ANK2: variants seen among roughly 807,000 people sequenced by gnomAD.
ANK2 encodes the protein ankyrin-2.
ANK2 carries 83 observed loss-of-function variants against 360.5 expected under a neutral mutation model. The observed-to-expected ratio is 0.23, with a 90% CI of 0.19 to 0.28. ANK2 has a LOEUF of 0.28. Among genes scored for constraint, ANK2 ranks in the 10% least tolerant of loss-of-function variants. ANK2 has a pLI of 1.00. For synonymous variants in ANK2, 1,740 were observed against 1,759.5 expected, an observed-to-expected ratio of 0.99 and a Z score of 0.28; for missense variants, 4,201 against 4,795.7, an observed-to-expected ratio of 0.88 and a Z score of 3.66.
At chr4:112,801,790 G>A in the ANK2 span, among the ~76,000 whole-genome samples, 2 of 152,146 alleles carry the variant, frequency 1.3e-5, no homozygotes, top group Non-Finnish European at 2.9e-5. Context: ...CTCTCAACTA[G>A]GATGTTATAA....
At chr4:112,964,035 A>G (rs556388361) in intron 2 of ANK2, among the ~76,000 whole-genome samples, 3 of 150,658 alleles carry the variant, frequency 2.0e-5, no homozygotes, top group Non-Finnish European at 3.0e-5. Flanking sequence ...TGACTTTTTC[A>G]ATTTTTACCA....
rs200146864 is a variant in ANK2, at chr4:113,328,343, A to C, written c.2901-1903A>C. Among the ~76,000 whole-genome samples, 3 of 152,292 alleles carry C rather than the reference A, an allele frequency of 2.0e-5. No individual in the cohort carries two copies. The East Asian group carries it at 5.8e-4, about 29-fold the overall frequency. Reference sequence around the variant, plus strand: ...TGAATTTGGAAGTAGCACTAGTTGAAACTTGTCACTTTTTGCTACTTTTTC... The same window carrying C: ...TGAATTTGGAAGTAGCACTAGTTGACACTTGTCACTTTTTGCTACTTTTTC... On this transcript the variant is annotated intron_variant, in intron 26 of 45. Transcript: ENST00000357077.
intron 2 of ANK2, among the ~76,000 whole-genome samples, chr4:112,990,076 GC>G (rs561960485): frequency 3.4e-4 from 52 of 152,148 alleles, no homozygotes; most frequent in African/African-American, 1.3e-3. Context: ...TTCAAGACCA[GC>G]CTGAGAAAGT....
intron 9 of ANK2, among the ~76,000 whole-genome samples, chr4:113,247,194 A>AG (rs1263824797): frequency 1.3e-5 from 2 of 151,902 alleles, no homozygotes; most frequent in African/African-American, 4.8e-5. Context: ...AGAAAACACA[A>AG]GGGGTCTCTG....
chr4:112,743,415 CTTATA>C, the ANK2 span, among the ~76,000 whole-genome samples: 109 of 151,984 alleles, frequency 7.2e-4, 1 homozygote, highest in African/African-American at 2.6e-3. Flanking sequence ...AGATAACTTC[CTTATA>C]TTATATTGCT....
chr4:112,907,100 G>C (rs966709491), intron 2 of ANK2, among the ~76,000 whole-genome samples: 1 of 152,186 alleles, frequency 6.6e-6, no homozygotes, highest in Non-Finnish European at 1.5e-5. Flanking sequence ...CATGACTGAA[G>C]AGAGCCTGCT....
chr4:112,990,503 G>C (rs1298386124), intron 2 of ANK2, among the ~76,000 whole-genome samples: 1 of 151,372 alleles, frequency 6.6e-6, no homozygotes, highest in African/African-American at 2.4e-5. Flanking sequence ...TTTTATACCT[G>C]TCTTGGTGTA....
intron 2 of ANK2, among the ~76,000 whole-genome samples, chr4:113,007,684 A>C (rs984105513): frequency 6.6e-6 from 1 of 152,182 alleles, no homozygotes; most frequent in African/African-American, 2.4e-5. Flanking sequence ...TTTGTACCTT[A>C]AACTACAATT....
chr4:112,792,033 C>CT, the ANK2 span, among the ~76,000 whole-genome samples: 1,832 of 65,764 alleles, frequency 0.028, 52 homozygotes, highest in African/African-American at 0.052. Context: ...CACATCCTTT[C>CT]TTTTTTTTTT....
intron 1 of ANK2, among the ~76,000 whole-genome samples, chr4:112,848,052 G>A (rs774179210): frequency 3.3e-5 from 5 of 152,210 alleles, no homozygotes; most frequent in East Asian, 1.9e-4. Context: ...GATTTGGAGC[G>A]AGGCAGACCT....
At chr4:113,305,802 A>G (rs569070648) in intron 23 of ANK2, among the ~76,000 whole-genome samples, 2 of 152,270 alleles carry the variant, frequency 1.3e-5, no homozygotes, top group East Asian at 3.9e-4. Flanking sequence ...TCTACAGTCT[A>G]TTGTTTTATT....
At chr4:113,112,687 T>A (rs1415362054) in intron 1 of ANK2, among the ~76,000 whole-genome samples, 1 of 152,176 alleles carries the variant, frequency 6.6e-6, no homozygotes, top group East Asian at 1.9e-4. Flanking sequence ...TTGGCCATTG[T>A]TACTAGCTAG....
At position 113,354,199 on chromosome 4, in the gene ANK2, G is replaced by A. The variant is rs2095594880; in HGVS notation, c.5581G>A (p.Ala1861Thr). 1 of 1,613,954 alleles carries A rather than the reference G, an allele frequency of 6.2e-7. No homozygotes were observed. The highest frequency in any genetic ancestry group is 8.5e-7 in the Non-Finnish European group (1 of 1,179,928). Residue 1861 changes from alanine (A) to threonine (T), a missense_variant, in exon 38 of 46, where the codon GCA becomes ACA. Ala to Thr is a moderately conservative substitution (Grantham distance 58). This residue lies in a region of ANK2 where 2,642 missense variants were observed against 2,714.5 expected (regional missense o/e 0.97). Transcript: ENST00000357077. Reference sequence around the variant, plus strand: ...GAAACACTCACCTGTGTCACCCTCTGCAAAAACGGAAAGACATTCACCTGC... The same window carrying A: ...GAAACACTCACCTGTGTCACCCTCTACAAAAACGGAAAGACATTCACCTGC... ...TEKHSPVSPS[A>T]KTERHSPASS...
intron 26 of ANK2, among the ~76,000 whole-genome samples, chr4:113,321,139 C>A (rs554256174): frequency 2.6e-5 from 4 of 152,342 alleles, no homozygotes; most frequent in African/African-American, 9.6e-5. Context: ...ATATAAAAAT[C>A]TCTGAGTTTC....
intron 18 of ANK2, 75 bp from the exon 19 acceptor site, chr4:113,287,530 T>A (rs2065286548): frequency 7.0e-6 from 8 of 1,147,122 alleles, no homozygotes; most frequent in Non-Finnish European, 1.0e-5. Flanking sequence ...TTTTCAATAT[T>A]TTTTCATAAT....
At chr4:113,248,869 C>A (rs1379712294) in intron 9 of ANK2, among the ~76,000 whole-genome samples, 2 of 152,106 alleles carry the variant, frequency 1.3e-5, no homozygotes, top group Admixed American at 6.5e-5. Flanking sequence ...CTCAAATCAC[C>A]AGTAAATTTA....
intron 2 of ANK2, among the ~76,000 whole-genome samples, chr4:113,192,029 A>G (rs542956438): frequency 1.2e-4 from 18 of 152,308 alleles, no homozygotes; most frequent in Admixed American, 3.9e-4. Flanking sequence ...AAGTTCAGAA[A>G]ACTCAAATAA....
chr4:113,090,573 A>T (rs771844737), intron 1 of ANK2, among the ~76,000 whole-genome samples: 2 of 152,170 alleles, frequency 1.3e-5, no homozygotes, highest in African/African-American at 2.4e-5. Flanking sequence ...ATACATATCT[A>T]CTTAAGTTGC....
At chr4:112,943,387 G>A (rs2094357494) in intron 2 of ANK2, among the ~76,000 whole-genome samples, 1 of 151,692 alleles carries the variant, frequency 6.6e-6, no homozygotes, top group South Asian at 2.1e-4. Flanking sequence ...GCAAATATGG[G>A]CAGTGTCAAT....
Sources: allele counts gnomAD v4.1 joint callset (sites outside exome capture counted in the v4.1 genomes callset), GRCh38; gene constraint gnomAD v4.1.1; regional missense constraint gnomAD v4.1.1; transcripts MANE v1.5; gene names NCBI Gene and HGNC (gene_info 2026-07-23, HGNC 2026-07-21).